Variants in ABCG1 observed in about 807,000 individuals in gnomAD.
ABCG1 encodes ATP binding cassette subfamily G member 1.
In ABCG1, 29 loss-of-function variants were observed where a neutral mutation model predicts 69.2. The ratio of observed to expected loss-of-function variants is 0.42; its 90% CI spans 0.31 to 0.57. ABCG1 has a LOEUF of 0.57. Ranked by LOEUF, ABCG1 falls within the 20% of genes least tolerant of loss-of-function variation. The probability of loss-of-function intolerance (pLI) is 0.15; values close to 1 mark genes in which losing one functional copy is unlikely to be tolerated. For synonymous variants in ABCG1, 370 were observed against 374.8 expected (o/e 0.99, Z 0.15); for missense variants, 718 against 898.1 (o/e 0.80, Z 2.56).
Position 42,285,414 on chromosome 21 carries a change from G to A in ABCG1, c.859-466G>A, listed in dbSNP as rs2068921175. Among the ~76,000 whole-genome samples the A allele has an allele frequency of 2.6e-5, 4 of 152,070 alleles. No individual in the cohort carries two copies. In the South Asian group the frequency reaches 8.3e-4, roughly 32 times the overall value. On this transcript the variant is annotated intron_variant, in intron 7 of 14. Coordinates refer to ENST00000398449, the MANE Select transcript of ABCG1 (RefSeq NM_016818.3). ...CCAGCTACTGGGGAGGCTGATGTGG[G>A]AGGATCACCTGAGCCCAGGAGGTGG...
rs2068551736 is a variant in ABCG1, at chr21:42,268,359, A to AGG, written c.287-2708_287-2707dup. ...GTGATTTCCTTACATAAATAGAGGT[A>AGG]GGGGTGTGTGTGTGTGTGTGTGTGT... is the stretch of plus-strand genomic sequence containing the variant. On this transcript the variant is annotated intron_variant, in intron 2 of 14. Coordinates refer to ENST00000398449, the MANE Select transcript of ABCG1 (RefSeq NM_016818.3). 3.5e-5 allele frequency among the ~76,000 whole-genome samples: 3 copies of AGG among 85,784 alleles called. No individual in the cohort carries two copies. In the Admixed American group the frequency reaches 3.5e-4, roughly 10 times the overall value. 56.3% of individuals were successfully genotyped at this position (85,784 alleles called of 152,430 possible).
intron 2 of ABCG1, among the ~76,000 whole-genome samples, chr21:42,239,543 C>T (rs2068021217): frequency 6.6e-6 from 1 of 152,258 alleles, no homozygotes; most frequent in Admixed American, 6.5e-5. Context: ...CAGAGCCTCA[C>T]ACCTATGTGC....
intron 2 of ABCG1, among the ~76,000 whole-genome samples, chr21:42,246,237 G>A (rs1247995622): frequency 1.3e-5 from 2 of 152,258 alleles, no homozygotes; most frequent in Non-Finnish European, 2.9e-5. Flanking sequence ...AGTTTCTACA[G>A]AGGCTGTAGA....
intron 2 of ABCG1, among the ~76,000 whole-genome samples, chr21:42,268,390 C>CGCGT (rs1409004268): frequency 2.1e-3 from 192 of 90,612 alleles, no homozygotes; most frequent in African/African-American, 8.8e-3. Context: ...TGTGTGTGTG[C>CGCGT]GCGCGCGCGC....
rs73364638 is a variant in ABCG1, at chr21:42,291,748, C to A, written c.1653+92C>A. On this transcript the variant is annotated intron_variant, in intron 13 of 14. Transcript: ENST00000398449. This position sits in a 1 kb window ranked among gnomAD's most constrained non-coding sequence, Gnocchi z 6.4. ...GCTAGGGGGCTCTGCCACCCCTTCCCCTACTTCTGCCCTGACCCTCCTAGA... is the reference window on the plus strand; with the variant it reads ...GCTAGGGGGCTCTGCCACCCCTTCCACTACTTCTGCCCTGACCCTCCTAGA... 0.047 allele frequency: 66,169 copies of A among 1,394,372 alleles called. 2,705 individuals carry two copies. The highest frequency in any genetic ancestry group is 0.21 in the African/African-American group (14,564 of 69,516). The allele number at this position is 1,394,372 out of a possible 1,614,324, so 86.4% of individuals were successfully genotyped here.
intron 2 of ABCG1, among the ~76,000 whole-genome samples, chr21:42,202,972 C>T (rs2067518363): frequency 1.3e-5 from 2 of 152,124 alleles, no homozygotes; most frequent in African/African-American, 4.8e-5. Flanking sequence ...AGGACAGACA[C>T]AAAGACCAAT....
At chr21:42,279,418 G>GTGAA (rs1009617816) in intron 5 of ABCG1, among the ~76,000 whole-genome samples, 1 of 152,198 alleles carries the variant, frequency 6.6e-6, no homozygotes, top group African/African-American at 2.4e-5. Flanking sequence ...AGGCCCTGTG[G>GTGAA]TGAAGTAGAG....
intron 13 of ABCG1, among the ~76,000 whole-genome samples, chr21:42,293,343 C>G (rs1601461893): frequency 7.0e-6 from 1 of 143,368 alleles, no homozygotes; most frequent in African/African-American, 2.6e-5. Flanking sequence ...ACACTACACA[C>G]TACCCACCAC....
At chr21:42,286,964 G>A (rs1293169664) in intron 8 of ABCG1, among the ~76,000 whole-genome samples, 3 of 152,200 alleles carry the variant, frequency 2.0e-5, no homozygotes, top group Non-Finnish European at 2.9e-5. Flanking sequence ...CTTTCCGGTG[G>A]GGCCAATGTG....
upstream of ABCG1, among the ~76,000 whole-genome samples, chr21:42,217,882 G>A (rs531238842): frequency 1.3e-4 from 20 of 151,752 alleles, no homozygotes; most frequent in Admixed American, 1.0e-3. Context: ...TAGTAGAGAC[G>A]GGGTTTCATC....
At chr21:42,282,123 T>C in intron 5 of ABCG1, 151 bp from the exon 6 acceptor site, 2 of 1,019,772 alleles carry the variant, frequency 2.0e-6, no homozygotes, top group Non-Finnish European at 2.8e-6. Flanking sequence ...CTGGGCAGCC[T>C]GGAGTGGGTT....
chr21:42,258,838 C>T (rs1036547273), intron 2 of ABCG1, among the ~76,000 whole-genome samples: 1 of 152,204 alleles, frequency 6.6e-6, no homozygotes, highest in Non-Finnish European at 1.5e-5. Context: ...GCTTTGTTCC[C>T]TAATTAGGAG....
rs1178703622 is a variant in ABCG1, at chr21:42,284,567, G to A, written c.742G>A (p.Asp248Asn). The change falls in exon 7 of 15, where the codon GAC becomes AAC. Residue 248 changes from aspartate (D) to asparagine (N), a missense_variant. By Grantham distance (23) the Asp-to-Asn change is conservative. Coordinates refer to ENST00000398449, the MANE Select transcript of ABCG1 (RefSeq NM_016818.3). ...MFFDEPTSGL[D>N]SASCFQVVSL... ...GTGCCTCTTGACTTGCAGCGGCCTG[G>A]ACAGCGCCTCCTGCTTCCAGGTGGT... 6.2e-7 allele frequency: 1 copy of A among 1,613,326 alleles called. No individual in the cohort carries two copies.
intron 13 of ABCG1, among the ~76,000 whole-genome samples, chr21:42,292,525 G>A (rs1045316064): frequency 4.6e-5 from 7 of 151,996 alleles, no homozygotes; most frequent in Non-Finnish European, 8.8e-5. Context: ...TCACTAATCA[G>A]ACCAGGGCTG....
chr21:42,245,357 C>T (rs2068116236), intron 2 of ABCG1, among the ~76,000 whole-genome samples: 1 of 152,190 alleles, frequency 6.6e-6, no homozygotes, highest in Non-Finnish European at 1.5e-5. Context: ...ATTAAGGAAC[C>T]AGAAAATTGC....
intron 2 of ABCG1, among the ~76,000 whole-genome samples, chr21:42,241,580 G>GGACAAC (rs2068051526): frequency 6.7e-6 from 1 of 149,324 alleles, no homozygotes; most frequent in African/African-American, 2.5e-5. Context: ...ACTCCAGCCT[G>GGACAAC]AGTGACAGAG....
At chr21:42,247,583 T>C (rs2068152357) in intron 2 of ABCG1, among the ~76,000 whole-genome samples, 1 of 151,886 alleles carries the variant, frequency 6.6e-6, no homozygotes, top group Non-Finnish European at 1.5e-5. Context: ...GACTATGGTG[T>C]AGTGGGTTGA....
intron 8 of ABCG1, among the ~76,000 whole-genome samples, chr21:42,286,307 A>T (rs1184040888): frequency 6.6e-6 from 1 of 152,124 alleles, no homozygotes; most frequent in Non-Finnish European, 1.5e-5. Flanking sequence ...CAAGATCCTA[A>T]TTACCTCTGC....
intron 2 of ABCG1, among the ~76,000 whole-genome samples, chr21:42,252,079 A>G (rs143354754): frequency 1.3e-3 from 198 of 152,262 alleles, no homozygotes; most frequent in South Asian, 2.5e-3. Flanking sequence ...TCTCCCCGCA[A>G]TGCTTCTTGG....
Sources: allele counts gnomAD v4.1 joint callset (sites outside exome capture counted in the v4.1 genomes callset), GRCh38; gene constraint gnomAD v4.1.1; non-coding constraint Gnocchi (gnomAD v3.1); transcripts MANE v1.5; gene names NCBI Gene and HGNC (gene_info 2026-07-23, HGNC 2026-07-21).